ANO3: variants seen among roughly 807,000 people sequenced by gnomAD.
The protein encoded by ANO3 is anoctamin-3.
Under a neutral mutation model 144.8 loss-of-function variants are expected in ANO3, and 99 were observed. That is an observed-to-expected ratio of 0.68 (90% confidence interval 0.58 to 0.81). The LOEUF (loss-of-function observed/expected upper bound fraction) is 0.81. ANO3 is among the 30% of genes least tolerant of loss of function. The pLI is 0.00. For synonymous variants in ANO3, 414 were observed against 392.6 expected, an observed-to-expected ratio of 1.05 and a Z score of -0.64; for missense variants, 905 against 1,202.2, an observed-to-expected ratio of 0.75 and a Z score of 3.66.
chr11:26,254,468 T>C (rs769318215), intron 1 of ANO3, among the ~76,000 whole-genome samples: 1 of 152,276 alleles, frequency 6.6e-6, no homozygotes, highest in South Asian at 2.1e-4. Flanking sequence ...AAAAGTATTA[T>C]CCACATTTCT....
intron 1 of ANO3, among the ~76,000 whole-genome samples, chr11:26,248,489 A>C (rs1852850592): frequency 6.6e-6 from 1 of 152,204 alleles, no homozygotes. Flanking sequence ...GCTTACTTGA[A>C]TGAATGACAG....
intron 4 of ANO3, among the ~76,000 whole-genome samples, chr11:26,496,094 AT>A (rs908496537): frequency 1.2e-4 from 18 of 152,124 alleles, no homozygotes; most frequent in Admixed American, 1.1e-3. Flanking sequence ...TGTTTCAGAG[AT>A]TTTTTTTCCC....
chr11:26,601,444 A>G (rs293954), intron 17 of ANO3, among the ~76,000 whole-genome samples: 1 of 152,196 alleles, frequency 6.6e-6, no homozygotes, highest in Non-Finnish European at 1.5e-5. Flanking sequence ...GGTCCAGTTT[A>G]GTTTGTAGAA....
intron 1 of ANO3, among the ~76,000 whole-genome samples, chr11:26,289,717 G>A (rs535155922): frequency 2.2e-5 from 3 of 136,008 alleles, no homozygotes; most frequent in South Asian, 2.3e-4. Flanking sequence ...TATTCTATAT[G>A]TGTATATATA....
At chr11:26,630,102 G>A (rs1852728828) in intron 18 of ANO3, among the ~76,000 whole-genome samples, 1 of 152,012 alleles carries the variant, frequency 6.6e-6, no homozygotes, top group Non-Finnish European at 1.5e-5. Flanking sequence ...ATAGTATCAA[G>A]TCTGTTCCAG....
intron 3 of ANO3, among the ~76,000 whole-genome samples, chr11:26,458,892 T>C (rs184254530): frequency 6.6e-6 from 1 of 152,144 alleles, no homozygotes; most frequent in Non-Finnish European, 1.5e-5. Context: ...TTTATATGAG[T>C]GTGTGTTTTA....
chr11:26,200,177 C>A (rs1851665621), intron 1 of ANO3, among the ~76,000 whole-genome samples: 2 of 152,278 alleles, frequency 1.3e-5, no homozygotes, highest in South Asian at 2.1e-4. Context: ...AATGTTGGAG[C>A]ATAAATCAGG....
chr11:26,597,590 C>T (rs925503911), intron 14 of ANO3, among the ~76,000 whole-genome samples: 3 of 152,102 alleles, frequency 2.0e-5, no homozygotes, highest in African/African-American at 4.8e-5. Flanking sequence ...GTAACAAACA[C>T]GGACCAGAAG....
In ANO3 at chr11:26,396,303, G is replaced by T. The variant is rs191991031; in HGVS notation, c.47-45615G>T. Among the ~76,000 whole-genome samples, 16 of 152,248 alleles carry T rather than the reference G, an allele frequency of 1.1e-4. No individual in the cohort carries two copies. In the East Asian group the frequency reaches 3.1e-3, roughly 29 times the overall value. On this transcript the variant is annotated intron_variant, in intron 1 of 26. Transcript: ENST00000256737. ...GTCAGGAAACAACAGATGCTGGAGG[G>T]GATGTGGAGAAATAGGAACACTTTT...
chr11:26,303,878 C>A (rs12223893), intron 1 of ANO3, among the ~76,000 whole-genome samples: 2,952 of 152,092 alleles, frequency 0.019, 60 homozygotes, highest in East Asian at 0.12. Context: ...TGCCACCATA[C>A]CTGGCTAATT....
chr11:26,197,040 AAC>A (rs1174872169), intron 1 of ANO3, among the ~76,000 whole-genome samples: 2 of 152,216 alleles, frequency 1.3e-5, no homozygotes, highest in African/African-American at 4.8e-5. Context: ...ACACATGCAT[AAC>A]AGTGTATATG....
rs139292554 is a variant in ANO3 at position 26,496,974 on chromosome 11, G to GTGTATATA, written c.433-11129_433-11128insGTATATAT. ...TGACTGTAAAGAGAAAATGTTGTGT[G>GTGTATATA]TATATATATATATATATATATACAC... On this transcript the variant is annotated intron_variant, in intron 4 of 26. Coordinates refer to ENST00000256737, the MANE Select transcript of ANO3 (RefSeq NM_031418.4). 2.4e-4 allele frequency among the ~76,000 whole-genome samples: 33 copies of GTGTATATA among 136,512 alleles called. No homozygotes were observed. The South Asian group carries it at 4.8e-3, about 20-fold the overall frequency. 89.6% of individuals were successfully genotyped at this position (136,512 alleles called of 152,430 possible).
chr11:26,362,493 T>G (rs191401903), intron 1 of ANO3, among the ~76,000 whole-genome samples: 1 of 152,278 alleles, frequency 6.6e-6, no homozygotes, highest in East Asian at 1.9e-4. Flanking sequence ...GCCTGCAGAT[T>G]TTTGAGCAGA....
intron 1 of ANO3, among the ~76,000 whole-genome samples, chr11:26,380,945 G>C (rs746662737): frequency 5.9e-5 from 9 of 152,094 alleles, no homozygotes; most frequent in Non-Finnish European, 1.3e-4. Flanking sequence ...TCGCACCATT[G>C]CACTCCAGCC....
upstream of ANO3, among the ~76,000 whole-genome samples, chr11:26,329,295 T>TACACACACACACAC (rs201501181): frequency 9.0e-5 from 13 of 145,008 alleles, no homozygotes; most frequent in South Asian, 1.6e-3. Context: ...TTTCTTTCTT[T>TACACACACACACAC]ACACACACAC....
intron 11 of ANO3, among the ~76,000 whole-genome samples, chr11:26,545,523 TAGC>T (rs1451840138): frequency 6.6e-6 from 1 of 152,038 alleles, no homozygotes; most frequent in Non-Finnish European, 1.5e-5. Context: ...AAAACTTGCT[TAGC>T]AAAATTCTTG....
intron 4 of ANO3, among the ~76,000 whole-genome samples, chr11:26,466,879 G>T (rs1216572424): frequency 1.3e-5 from 2 of 151,902 alleles, no homozygotes; most frequent in Non-Finnish European, 2.9e-5. Context: ...TCAGTGTCTA[G>T]GAAGATTTGC....
At chr11:26,339,301 C>A (rs1165080477) in intron 1 of ANO3, among the ~76,000 whole-genome samples, 1 of 151,978 alleles carries the variant, frequency 6.6e-6, no homozygotes, top group East Asian at 1.9e-4. Context: ...ATTACAGGCC[C>A]CCGCCACCAT....
chr11:26,604,231 G>A (rs898421664), intron 17 of ANO3, among the ~76,000 whole-genome samples: 23 of 152,100 alleles, frequency 1.5e-4, no homozygotes, highest in African/African-American at 5.3e-4. Context: ...TAGATACGTG[G>A]TGTTATTTCT....
Sources: gnomAD v4.1 joint callset for allele counts (sites outside exome capture counted in the v4.1 genomes callset) on GRCh38, gnomAD v4.1.1 for gene constraint, MANE v1.5 for transcripts, NCBI Gene and HGNC (gene_info 2026-07-23, HGNC 2026-07-21) for gene names.